Variants in SCHIP1 observed in about 807,000 individuals in gnomAD.
The protein encoded by SCHIP1 is schwannomin interacting protein 1, also known as schwannomin-interacting protein 1.
In SCHIP1, 8 loss-of-function variants were observed where a neutral mutation model predicts 29.7. That is an observed-to-expected ratio of 0.27 (90% CI 0.16 to 0.49). The LOEUF (loss-of-function observed/expected upper bound fraction) is 0.49, where lower values mean the gene tolerates loss of function less well. SCHIP1 is among the 20% of genes least tolerant of loss of function. The probability of loss-of-function intolerance (pLI) is 0.99; values close to 1 mark genes in which losing one functional copy is unlikely to be tolerated. For synonymous variants in SCHIP1, 76 were observed against 94.9 expected, an observed-to-expected ratio of 0.80 and a Z score of 1.16; for missense variants, 193 against 294.6, an observed-to-expected ratio of 0.66 and a Z score of 2.52.
the SCHIP1 span, among the ~76,000 whole-genome samples, chr3:159,701,447 G>GTAC: frequency 2.6e-5 from 4 of 152,070 alleles, no homozygotes; most frequent in Non-Finnish European, 5.9e-5. Flanking sequence ...AAAGAAATAG[G>GTAC]TACTTTTAAC....
chr3:159,458,613 T>G, the SCHIP1 span, among the ~76,000 whole-genome samples: 1 of 151,842 alleles, frequency 6.6e-6, no homozygotes, highest in Non-Finnish European at 1.5e-5. Context: ...TTGTAATAGC[T>G]CCTTGTAATA....
chr3:159,460,718 C>T, the SCHIP1 span, among the ~76,000 whole-genome samples: 1 of 152,184 alleles, frequency 6.6e-6, no homozygotes, highest in South Asian at 2.1e-4. Flanking sequence ...TTCCACATCC[C>T]AAGACCCCCT....
intron 2 of SCHIP1, among the ~76,000 whole-genome samples, chr3:159,881,134 TA>T: frequency 6.6e-6 from 1 of 152,314 alleles, no homozygotes; most frequent in Admixed American, 6.5e-5. Context: ...ATCTAAAGCT[TA>T]CCCAAACCTC....
chr3:159,807,573 T>A, the SCHIP1 span, among the ~76,000 whole-genome samples: 3 of 152,252 alleles, frequency 2.0e-5, no homozygotes, highest in Non-Finnish European at 4.4e-5. Flanking sequence ...TTGTTTGTTT[T>A]GCTACCTCTG....
chr3:159,510,222 C>T, the SCHIP1 span, among the ~76,000 whole-genome samples: 2 of 152,100 alleles, frequency 1.3e-5, no homozygotes, highest in Non-Finnish European at 2.9e-5. Context: ...TTTATTTGAT[C>T]TTCCTTCACT....
chr3:159,392,029 T>C, the SCHIP1 span, among the ~76,000 whole-genome samples: 29 of 152,342 alleles, frequency 1.9e-4, no homozygotes, highest in African/African-American at 6.7e-4. Context: ...TTGGCTTTTT[T>C]TCCTTCTGGA....
At chr3:159,332,625 C>T in the SCHIP1 span, among the ~76,000 whole-genome samples, 2 of 152,080 alleles carry the variant, frequency 1.3e-5, no homozygotes, top group Non-Finnish European at 2.9e-5. Context: ...TGAGAAGAGC[C>T]TATGACTTTC....
chr3:159,828,399 A>ATATATATATGTG, the SCHIP1 span, among the ~76,000 whole-genome samples: 4 of 49,656 alleles, frequency 8.1e-5, no homozygotes, highest in African/African-American at 4.2e-4. Flanking sequence ...ATATATACGT[A>ATATATATATGTG]TATATATACG....
chr3:159,717,130 T>C, the SCHIP1 span, among the ~76,000 whole-genome samples: 6 of 152,318 alleles, frequency 3.9e-5, no homozygotes, highest in African/African-American at 9.6e-5. Context: ...CCTGAATGAC[T>C]ACTGGGTACA....
the SCHIP1 span, among the ~76,000 whole-genome samples, chr3:159,285,761 C>A: frequency 6.6e-6 from 1 of 152,030 alleles, no homozygotes; most frequent in Non-Finnish European, 1.5e-5. Context: ...TATCCTTCTG[C>A]AATATTTTAA....
chr3:159,581,903 T>C, the SCHIP1 span, among the ~76,000 whole-genome samples: 2 of 152,216 alleles, frequency 1.3e-5, no homozygotes, highest in African/African-American at 4.8e-5. Context: ...TTTTTCTTTT[T>C]ATGAAGCTGT....
chr3:159,296,621 A>G, the SCHIP1 span, among the ~76,000 whole-genome samples: 3 of 152,112 alleles, frequency 2.0e-5, no homozygotes, highest in Admixed American at 2.0e-4. Flanking sequence ...TAAAGATACA[A>G]AAACTTAGCT....
At chr3:159,584,086 A>T in the SCHIP1 span, among the ~76,000 whole-genome samples, 1 of 152,038 alleles carries the variant, frequency 6.6e-6, no homozygotes, top group Non-Finnish European at 1.5e-5. Flanking sequence ...CCCTCTTTTC[A>T]CTTAATATTC....
the SCHIP1 span, among the ~76,000 whole-genome samples, chr3:159,300,113 C>CTTT: frequency 9.2e-3 from 417 of 45,374 alleles, 97 homozygotes; most frequent in African/African-American, 0.035. Flanking sequence ...GGGAAAGCTG[C>CTTT]TTTTTTTTTT....
At chr3:159,282,106 C>A in the SCHIP1 span, among the ~76,000 whole-genome samples, 4 of 152,086 alleles carry the variant, frequency 2.6e-5, no homozygotes, top group South Asian at 8.3e-4. Flanking sequence ...CTATAGTTAT[C>A]AATGTCAACA....
chr3:159,360,449 C>A, the SCHIP1 span, among the ~76,000 whole-genome samples: 4 of 152,184 alleles, frequency 2.6e-5, no homozygotes, highest in Non-Finnish European at 4.4e-5. Flanking sequence ...CTTCCCCTAT[C>A]CCTAACTCCT....
At chr3:159,461,587 T>C in the SCHIP1 span, among the ~76,000 whole-genome samples, 1 of 151,838 alleles carries the variant, frequency 6.6e-6, no homozygotes, top group South Asian at 2.1e-4. Context: ...TTTTTTTTCT[T>C]TTTTTTGAGA....
chr3:159,655,729 T>A, the SCHIP1 span, among the ~76,000 whole-genome samples: 2 of 151,792 alleles, frequency 1.3e-5, no homozygotes, highest in Admixed American at 6.6e-5. Flanking sequence ...CTCTACTAAA[T>A]ATACAAAAAA....
chr3:159,329,202 C>A, the SCHIP1 span, among the ~76,000 whole-genome samples: 1 of 152,158 alleles, frequency 6.6e-6, no homozygotes, highest in East Asian at 1.9e-4. Context: ...TACACACACA[C>A]AACCATACTA....
Sources: allele counts gnomAD v4.1 joint callset (sites outside exome capture counted in the v4.1 genomes callset), GRCh38; gene constraint gnomAD v4.1.1; transcripts MANE v1.5; gene names NCBI Gene and HGNC (gene_info 2026-07-23, HGNC 2026-07-21).